PRPF19: variants seen among roughly 807,000 people sequenced by gnomAD.
PRPF19 encodes pre-mRNA processing factor 19.
A neutral mutation model predicts 64.2 loss-of-function variants in PRPF19; 2 were observed. That is an observed-to-expected ratio of 0.03 (90% CI 0.01 to 0.10). PRPF19 has a LOEUF of 0.10. Ranked by LOEUF, PRPF19 falls within the 10% of genes least tolerant of loss-of-function variation. The pLI is 1.00. For missense variants in PRPF19, 314 were observed against 650.0 expected (o/e 0.48, Z 5.62); for synonymous variants, 226 against 251.6 (o/e 0.90, Z 0.96).
At chr11:60,901,714 G>T (rs1855986020) in intron 6 of PRPF19, among the ~76,000 whole-genome samples, 174 bp from the exon 7 acceptor site, 1 of 152,206 alleles carries the variant, frequency 6.6e-6, no homozygotes, top group Non-Finnish European at 1.5e-5. Context: ...GCTTTATGAG[G>T]GGGGTGTTGA....
intron 15 of PRPF19, among the ~76,000 whole-genome samples, chr11:60,893,186 G>A (rs1015377078): frequency 6.6e-6 from 1 of 152,168 alleles, no homozygotes; most frequent in Admixed American, 6.5e-5. Flanking sequence ...CTACTACACT[G>A]CCAGTTGTAT....
At chr11:60,896,878 G>C (rs200518085) in intron 15 of PRPF19, among the ~76,000 whole-genome samples, 1 of 152,292 alleles carries the variant, frequency 6.6e-6, no homozygotes, top group Non-Finnish European at 1.5e-5. Context: ...TGTAAAGAGA[G>C]ACAATATTTT....
chr11:60,899,380 G>A, intron 10 of PRPF19, 76 bp from the exon 11 acceptor site: 1 of 1,453,858 alleles, frequency 6.9e-7, no homozygotes, highest in Non-Finnish European at 9.5e-7. Flanking sequence ...AAACGGGGCT[G>A]GGGATGCCCA....
At chr11:60,903,571 C>A (rs751164848) in intron 2 of PRPF19, 36 bp from the exon 3 acceptor site, 1 of 1,607,698 alleles carries the variant, frequency 6.2e-7, no homozygotes, top group Non-Finnish European at 8.5e-7. Context: ...AGAACATAAC[C>A]CAGGGGCCTC....
intron 15 of PRPF19, among the ~76,000 whole-genome samples, chr11:60,896,364 G>T (rs1362823833): frequency 6.6e-6 from 1 of 152,220 alleles, no homozygotes; most frequent in Non-Finnish European, 1.5e-5. Flanking sequence ...AGATGTGGAG[G>T]TAGAAGACAG....
chr11:60,906,226 G>A (rs1014225199), intron 1 of PRPF19, 138 bp downstream of exon 1: 1 of 1,344,692 alleles, frequency 7.4e-7, no homozygotes, highest in South Asian at 1.6e-5. Context: ...GGGCTCCGGT[G>A]CTGACAGGCC....
In PRPF19 at chr11:60,897,171, ATC is replaced by A. The variant is rs1245465973; in HGVS notation, c.1417+673_1417+674del. ...TATACCAGTGTACCATTTTAAAAAAATCTCTTATACCTTATTTTTACTGAACC... is the reference window on the plus strand; with the variant it reads ...TATACCAGTGTACCATTTTAAAAAAATCTTATACCTTATTTTTACTGAACC... On this transcript the variant is annotated intron_variant, in intron 15 of 15. Transcript: ENST00000227524. Among the ~76,000 whole-genome samples the A allele has an allele frequency of 3.3e-5, 5 of 152,350 alleles. No homozygotes were observed. The South Asian group carries it at 6.2e-4, about 19-fold the overall frequency.
At chr11:60,895,664 T>C (rs542502909) in intron 15 of PRPF19, among the ~76,000 whole-genome samples, 6 of 152,352 alleles carry the variant, frequency 3.9e-5, no homozygotes, top group African/African-American at 1.4e-4. Context: ...TTTGGCCTAT[T>C]TGGCTTTTCA....
chr11:60,898,268 G>T lies in PRPF19; in HGVS notation c.1144C>A (p.Arg382Ser). The change falls in exon 14 of 16, where the codon CGT becomes AGT. Residue 382 changes from arginine (R) to serine (S), a missense_variant. Coordinates refer to ENST00000227524, the MANE Select transcript of PRPF19 (RefSeq NM_014502.5). The surrounding 1 kb of genome is among the most constrained non-coding windows in gnomAD (Gnocchi z 4.6). ...SQIKIWDLKERTNVANFPGHS... is the reference protein window; with the variant it reads ...SQIKIWDLKESTNVANFPGHS... ...CCAGGGAAGTTGGCCACATTAGTAC[G>T]TTCCTACAGTGGCGGTGGGTAGTAA... 1 of 1,613,064 alleles carries T rather than the reference G, an allele frequency of 6.2e-7. No homozygotes were observed.
Position 60,906,395 on chromosome 11 carries a change from G to C in PRPF19, c.-13C>G. ...AGATTAGGGACATGGCGCCGTCACC[G>C]TGCTCCGAGGCGCCACACGCCGGGC... On this transcript the variant is annotated 5_prime_UTR_variant, in exon 1 of 16. Transcript: ENST00000227524. 6.3e-7 allele frequency: 1 copy of C among 1,580,018 alleles called. No homozygotes were observed. Among genetic ancestry groups the C allele is most frequent in the Non-Finnish European group, 8.6e-7 (1 of 1,165,436 alleles).
chr11:60,901,375 A>G lies in PRPF19; in HGVS notation c.568-6T>C. On this transcript the variant is annotated splice_region_variant and splice_polypyrimidine_tract_variant and intron_variant, in intron 7 of 15. Coordinates refer to ENST00000227524, the MANE Select transcript of PRPF19 (RefSeq NM_014502.5). The stretch of plus-strand genomic sequence containing the variant: ...TCAGGCACAGTCTTCCCTCTCTGAG[A>G]AAATGAAAAGCCCCCAAAGAAGAGC... 6.2e-7 allele frequency: 1 copy of G among 1,614,222 alleles called. No individual in the cohort carries two copies. Among genetic ancestry groups the G allele is most frequent in the South Asian group, 1.1e-5 (1 of 91,084 alleles).
intron 15 of PRPF19, among the ~76,000 whole-genome samples, chr11:60,896,618 C>T (rs1855922993): frequency 6.6e-6 from 1 of 152,202 alleles, no homozygotes; most frequent in Non-Finnish European, 1.5e-5. Context: ...GACATGTTTG[C>T]TTTCCCTGCT....
At chr11:60,900,496 C>A (rs1478072562) in intron 10 of PRPF19, 86 bp downstream of exon 10, 31 of 1,120,938 alleles carry the variant, frequency 2.8e-5, no homozygotes, top group Admixed American at 4.7e-5. Context: ...TCTTTCCCAG[C>A]CCCACTTCAC....
chr11:60,902,541 T>G lies in PRPF19; in HGVS notation c.462+42A>C. On this transcript the variant is annotated intron_variant, in intron 5 of 15. Coordinates refer to ENST00000227524, the MANE Select transcript of PRPF19 (RefSeq NM_014502.5). The surrounding 1 kb of genome is among the most constrained non-coding windows in gnomAD (Gnocchi z 5.0). ...GCATAAGGACAGTTCTGTGGGCCAC[T>G]GTACACAAATGGGCTGCTGGTAAGG... 1.2e-6 allele frequency: 2 copies of G among 1,606,942 alleles called. No individual in the cohort carries two copies. The highest frequency in any genetic ancestry group is 1.7e-6 in the Non-Finnish European group (2 of 1,173,446).
intron 9 of PRPF19, 48 bp downstream of exon 9, chr11:60,900,806 T>A: frequency 6.2e-7 from 1 of 1,608,088 alleles, no homozygotes; most frequent in South Asian, 1.1e-5. Flanking sequence ...GCGCCTTCCC[T>A]GCTGCCCCTC....
At chr11:60,903,672 TGA>T in intron 2 of PRPF19, 38 bp downstream of exon 2, 1 of 1,576,396 alleles carries the variant, frequency 6.3e-7, no homozygotes, top group Non-Finnish European at 8.6e-7. Flanking sequence ...TCTCAGGCTC[TGA>T]GCTAAGATGG....
intron 14 of PRPF19, 31 bp from the exon 15 acceptor site, chr11:60,897,982 C>G (rs1458966332): frequency 1.9e-6 from 3 of 1,611,422 alleles, no homozygotes; most frequent in Non-Finnish European, 2.5e-6. Flanking sequence ...GAAGGTCACA[C>G]AAGGGGAACA....
intron 3 of PRPF19, among the ~76,000 whole-genome samples, chr11:60,903,181 T>C (rs1460955534): frequency 6.6e-6 from 1 of 152,130 alleles, no homozygotes; most frequent in African/African-American, 2.4e-5. Flanking sequence ...ATAACAACAC[T>C]GCTGCTGCTG....
rs1183773966 is a variant in PRPF19, at chr11:60,898,875, C to G, written c.1041G>C (p.Glu347Asp). The change falls in exon 12 of 16, where the codon GAG becomes GAC. Residue 347 changes from glutamate (E) to aspartate (D), a missense_variant. Glu to Asp is a conservative substitution (Grantham distance 45). Around this residue, in one of 7 missense-constraint regions of PRPF19, gnomAD observed 175 missense variants for 342.9 expected, o/e 0.51. Coordinates refer to ENST00000227524, the MANE Select transcript of PRPF19 (RefSeq NM_014502.5). This position sits in a 1 kb window ranked among gnomAD's most constrained non-coding sequence, Gnocchi z 4.6. The stretch of plus-strand genomic sequence containing the variant: ...GAGGCAACTTACAGCAGCCGGAGGT[C>G]TCATCTGTCACCTTGGTGAGCACAC... The part of the protein sequence containing the change: ...TGRVLTKVTD[E>D]TSGCSLTCAQ... 18 of 1,604,622 alleles carry G rather than the reference C, an allele frequency of 1.1e-5. No homozygotes were observed. The highest frequency in any genetic ancestry group is 1.5e-5 in the Non-Finnish European group (18 of 1,175,432).
Sources: gnomAD v4.1 joint callset for allele counts (sites outside exome capture counted in the v4.1 genomes callset) on GRCh38, gnomAD v4.1.1 for gene constraint, gnomAD v4.1.1 regional missense constraint, Gnocchi (gnomAD v3.1) non-coding constraint, MANE v1.5 for transcripts, NCBI Gene and HGNC (gene_info 2026-07-23, HGNC 2026-07-21) for gene names.